Variants in CTNND2 observed in about 807,000 individuals in gnomAD.
CTNND2 encodes the protein catenin delta 2, also known as catenin delta-2.
A neutral mutation model predicts 144.4 loss-of-function variants in CTNND2; 22 were observed. That is an observed-to-expected ratio of 0.15 (90% CI 0.11 to 0.22). CTNND2 has a LOEUF of 0.22. Among genes scored for constraint, CTNND2 ranks in the 10% least tolerant of loss-of-function variants. CTNND2 has a pLI of 1.00. For missense variants in CTNND2, 1,353 were observed against 1,618.8 expected (o/e 0.84, Z 2.82); for synonymous variants, 751 against 695.6 (o/e 1.08, Z -1.25).
intron 8 of CTNND2, among the ~76,000 whole-genome samples, chr5:11,356,075 T>C (rs1480854997): frequency 6.6e-6 from 1 of 152,072 alleles, no homozygotes; most frequent in Admixed American, 6.6e-5. Context: ...ATACATCTCA[T>C]GCTCATGGGT....
chr5:11,097,443 G>A (rs1751463982), intron 15 of CTNND2, among the ~76,000 whole-genome samples: 1 of 152,182 alleles, frequency 6.6e-6, no homozygotes, highest in African/African-American at 2.4e-5. Context: ...AAGACTCTTA[G>A]GAGAAGAAGT....
chr5:11,456,229 G>A (rs1424533491), intron 3 of CTNND2, among the ~76,000 whole-genome samples: 1 of 152,118 alleles, frequency 6.6e-6, no homozygotes, highest in East Asian at 1.9e-4. Context: ...AAGGGAAGAA[G>A]GGTTGTGTTT....
intron 1 of CTNND2, among the ~76,000 whole-genome samples, chr5:11,871,378 A>G (rs1057303675): frequency 1.3e-5 from 2 of 152,330 alleles, no homozygotes; most frequent in Admixed American, 1.3e-4. Flanking sequence ...TAAAACAAGG[A>G]TAAAAACAGT....
At chr5:11,250,520 T>TACACATATA (rs1491283471) in intron 9 of CTNND2, among the ~76,000 whole-genome samples, 2 of 5,542 alleles carry the variant, frequency 3.6e-4, no homozygotes, top group Admixed American at 3.1e-3. Context: ...TATACATATA[T>TACACATATA]TTTTTTTTTT....
intron 12 of CTNND2, among the ~76,000 whole-genome samples, chr5:11,146,030 G>A (rs970293396): frequency 2.6e-5 from 4 of 152,180 alleles, no homozygotes; most frequent in African/African-American, 9.6e-5. Flanking sequence ...TTCAGGTGGA[G>A]TCCATGGTTC....
intron 2 of CTNND2, among the ~76,000 whole-genome samples, chr5:11,690,630 A>G (rs1030360144): frequency 1.3e-5 from 2 of 150,930 alleles, no homozygotes. Flanking sequence ...CAGCTACTCG[A>G]GAGGCTGAGG....
intron 2 of CTNND2, among the ~76,000 whole-genome samples, chr5:11,640,317 T>C (rs1049083849): frequency 1.3e-5 from 2 of 152,242 alleles, no homozygotes; most frequent in Non-Finnish European, 2.9e-5. Flanking sequence ...TTTTCATCAC[T>C]AATTGCATTA....
chr5:11,816,069 A>G (rs772608790), intron 1 of CTNND2, among the ~76,000 whole-genome samples: 7 of 152,208 alleles, frequency 4.6e-5, no homozygotes. Context: ...CGTGCCTGTG[A>G]GAGCCTGGCA....
intron 1 of CTNND2, among the ~76,000 whole-genome samples, chr5:11,842,494 C>A (rs569337196): frequency 6.6e-6 from 1 of 151,788 alleles, no homozygotes; most frequent in East Asian, 1.9e-4. Context: ...CTGAGGCGGG[C>A]GGATCGTGAG....
At chr5:11,302,642 C>T (rs921000781) in intron 9 of CTNND2, among the ~76,000 whole-genome samples, 3 of 152,190 alleles carry the variant, frequency 2.0e-5, no homozygotes, top group Admixed American at 6.5e-5. Context: ...GCTTCACCTG[C>T]TCTCCACTGT....
At chr5:11,184,665 C>G (rs10065669) in intron 11 of CTNND2, among the ~76,000 whole-genome samples, 2,362 of 152,252 alleles carry the variant, frequency 0.016, 67 homozygotes, top group African/African-American at 0.055. Flanking sequence ...GTAGATTAAT[C>G]CTTGTTCACT....
chr5:11,628,959 T>C (rs1053926747), intron 2 of CTNND2, among the ~76,000 whole-genome samples: 1 of 152,178 alleles, frequency 6.6e-6, no homozygotes, highest in Non-Finnish European at 1.5e-5. Context: ...TAAAAATAAA[T>C]AGACTAATTT....
chr5:11,898,426 C>T (rs1356948829), intron 1 of CTNND2, among the ~76,000 whole-genome samples: 1 of 152,252 alleles, frequency 6.6e-6, no homozygotes, highest in African/African-American at 2.4e-5. Context: ...AAAACATGCA[C>T]AAAATGCAGT....
intron 18 of CTNND2, among the ~76,000 whole-genome samples, chr5:11,001,124 T>C (rs1579999018): frequency 6.6e-6 from 1 of 152,222 alleles, no homozygotes; most frequent in Non-Finnish European, 1.5e-5. Flanking sequence ...TCACCCAGCA[T>C]GCACTGCTTA....
At chr5:11,216,197 T>C (rs889674443) in intron 10 of CTNND2, among the ~76,000 whole-genome samples, 1 of 152,164 alleles carries the variant, frequency 6.6e-6, no homozygotes, top group Non-Finnish European at 1.5e-5. Flanking sequence ...CGCACTCTAA[T>C]ACACGGTGGT....
intron 11 of CTNND2, among the ~76,000 whole-genome samples, chr5:11,185,827 G>T (rs554393128): frequency 4.6e-5 from 7 of 152,222 alleles, no homozygotes; most frequent in Non-Finnish European, 7.3e-5. Context: ...CCAGGATCCA[G>T]TGGGGATTGC....
chr5:11,705,894 T>G (rs1366110258), intron 2 of CTNND2, among the ~76,000 whole-genome samples: 1 of 152,182 alleles, frequency 6.6e-6, no homozygotes, highest in African/African-American at 2.4e-5. Context: ...TATATACACA[T>G]GCATTACGTG....
At chr5:11,364,931 C>A in intron 7 of CTNND2, 41 bp from the exon 8 acceptor site, 1 of 1,535,932 alleles carries the variant, frequency 6.5e-7, no homozygotes, top group Non-Finnish European at 8.9e-7. Context: ...CTCAGGCGAC[C>A]TCCAAACAGA....
chr5:11,614,642 T>C (rs779498078), intron 2 of CTNND2, among the ~76,000 whole-genome samples: 8 of 152,206 alleles, frequency 5.3e-5, no homozygotes, highest in Non-Finnish European at 8.8e-5. Context: ...CAAATGCTCA[T>C]TGAGGAAAGA....
Sources: allele counts gnomAD v4.1 joint callset (sites outside exome capture counted in the v4.1 genomes callset), GRCh38; gene constraint gnomAD v4.1.1; transcripts MANE v1.5; gene names NCBI Gene and HGNC (gene_info 2026-07-23, HGNC 2026-07-21).